CCDC117: variants seen among roughly 807,000 people sequenced by gnomAD.
CCDC117 encodes coiled-coil domain-containing protein 117.
In CCDC117, 1 loss-of-function variant was observed where a neutral mutation model predicts 23.5. That is an observed-to-expected ratio of 0.04 (90% CI 0.02 to 0.20). The LOEUF (loss-of-function observed/expected upper bound fraction) is 0.20, where lower values mean the gene tolerates loss of function less well. Among genes scored for constraint, CCDC117 ranks in the 10% least tolerant of loss-of-function variants. CCDC117 has a pLI of 1.00. For missense variants in CCDC117, 383 were observed against 348.2 expected (o/e 1.10, Z -0.80); for synonymous variants, 132 against 124.8 (o/e 1.06, Z -0.39).
At chr22:28,785,872 A>G (rs772213607) in intron 4 of CCDC117, among the ~76,000 whole-genome samples, 1 of 150,974 alleles carries the variant, frequency 6.6e-6, no homozygotes, top group Non-Finnish European at 1.5e-5. Flanking sequence ...GCGGTGAGCT[A>G]TGACTGTACC....
chr22:28,774,705 A>C (rs1269244480), intron 2 of CCDC117, among the ~76,000 whole-genome samples: 1 of 152,120 alleles, frequency 6.6e-6, no homozygotes. Flanking sequence ...TCCCCACCAG[A>C]GACAACCCCC....
rs2031314109 is a variant in CCDC117, at chr22:28,781,330, GTTTTGTTTTTTTT to G, written c.464+163_464+175del. Among the ~76,000 whole-genome samples the G allele has an allele frequency of 5.0e-4, 19 of 37,628 alleles. 1 individual carries two copies. The highest frequency in any genetic ancestry group is 1.5e-3 in the African/African-American group (10 of 6,782). 24.7% of individuals were successfully genotyped at this position (37,628 alleles called of 152,430 possible). ...AAAGTGTATTCGTTTTTGTTTTTTT[GTTTTGTTTTTTTT>G]TTTTTTTTTTTTTTTTTTTTTTTTT... On this transcript the variant is annotated intron_variant, in intron 3 of 4. Transcript: ENST00000249064.
chr22:28,772,769 G>T lies in CCDC117; in HGVS notation c.-81G>T. 1 of 1,123,816 alleles carries T rather than the reference G, an allele frequency of 8.9e-7. No individual in the cohort carries two copies. Among genetic ancestry groups the T allele is most frequent in the Non-Finnish European group, 1.1e-6 (1 of 895,604 alleles). The allele number at this position is 1,123,816 out of a possible 1,614,324, so 69.6% of individuals were successfully genotyped here. ...CGGGATCCGAGGCTGGCGGGTTTTG[G>T]CAGTAGCTGTGGCTGCGGCTGCCGG... On this transcript the variant is annotated 5_prime_UTR_variant, in exon 1 of 5. Transcript: ENST00000249064.
chr22:28,785,976 C>T, intron 4 of CCDC117, 113 bp from the exon 5 acceptor site: 1 of 701,126 alleles, frequency 1.4e-6, no homozygotes, highest in Admixed American at 2.6e-5. Context: ...TCTAAATCTC[C>T]TGTTTTGCTA....
At chr22:28,773,055 A>C in intron 1 of CCDC117, 21 bp downstream of exon 1, 2 of 622,558 alleles carry the variant, frequency 3.2e-6, no homozygotes, top group Non-Finnish European at 4.1e-6. Context: ...CGTCGGGCGC[A>C]GGGCGCAGGG....
In CCDC117 at chr22:28,772,835, C is replaced by T; in HGVS notation, c.-15C>T. 3 of 1,225,952 alleles carry T rather than the reference C, an allele frequency of 2.4e-6. No homozygotes were observed. The highest frequency in any genetic ancestry group is 3.9e-5 in the South Asian group (1 of 25,646). 75.9% of individuals were successfully genotyped at this position (1,225,952 alleles called of 1,614,324 possible). On this transcript the variant is annotated 5_prime_UTR_variant, in exon 1 of 5. Transcript: ENST00000249064. ...CGGCCGAGGCCGCCGTCGCAGCCTCCTCGTCTCGCCGGCTATGGCTGCGCT... is the reference window on the plus strand; with the variant it reads ...CGGCCGAGGCCGCCGTCGCAGCCTCTTCGTCTCGCCGGCTATGGCTGCGCT...
At chr22:28,774,469 T>C (rs951101552) in intron 2 of CCDC117, among the ~76,000 whole-genome samples, 1 of 149,314 alleles carries the variant, frequency 6.7e-6, no homozygotes, top group Non-Finnish European at 1.5e-5. Context: ...CTCCTTGGGC[T>C]CAAATGATCC....
In CCDC117 at chr22:28,772,938, G is replaced by C. The variant is rs2031029569; in HGVS notation, c.89G>C (p.Arg30Pro). ...CCGCCGCAGCCGGCCTTCCCCGGCC[G>C]GGCCTTCCCGCCGGGGGCTGACGGC... Reference protein sequence around the residue: ...LQPPQPAFPGRAFPPGADGAE... With the variant: ...LQPPQPAFPGPAFPPGADGAE... The change falls in exon 1 of 5, where the codon CGG becomes CCG. Residue 30 changes from arginine (R) to proline (P), a missense_variant. Transcript: ENST00000249064. 9.0e-6 allele frequency: 11 copies of C among 1,219,668 alleles called. No individual in the cohort carries two copies. Among genetic ancestry groups the C allele is most frequent in the Non-Finnish European group, 1.0e-5 (10 of 979,900 alleles). 75.6% of individuals were successfully genotyped at this position (1,219,668 alleles called of 1,614,324 possible). A position where few individuals can be genotyped will look rare whatever the true frequency, so the allele number is the denominator to read the frequency against.
At chr22:28,773,496 C>G in intron 1 of CCDC117, 1 of 573,014 alleles carries the variant, frequency 1.7e-6, no homozygotes, top group Non-Finnish European at 3.1e-6. Flanking sequence ...CCTCCCTAAT[C>G]TGTCTTCCAT....
rs34670753 is a variant in CCDC117 at position 28,782,250 on chromosome 22, C to CTTTTTTTTTTTTTTT, written c.464+1090_464+1104dup. On this transcript the variant is annotated intron_variant, in intron 3 of 4. Transcript: ENST00000249064. ...ACTGTGCCGGGCCAGTCTACTGAGC[C>CTTTTTTTTTTTTTTT]TTTTTTTTTTTTTTTTTTTTTTTTT... Among the ~76,000 whole-genome samples the CTTTTTTTTTTTTTTT allele has an allele frequency of 3.0e-4, 24 of 80,316 alleles. 1 individual carries two copies. The highest frequency in any genetic ancestry group is 1.4e-3 in the African/African-American group (23 of 16,474). The allele number at this position is 80,316 out of a possible 152,430, so 52.7% of individuals were successfully genotyped here.
At chr22:28,775,172 A>T (rs2031127218) in intron 2 of CCDC117, among the ~76,000 whole-genome samples, 1 of 152,164 alleles carries the variant, frequency 6.6e-6, no homozygotes, top group Non-Finnish European at 1.5e-5. Flanking sequence ...GAGGCAGGAG[A>T]ATCACTTGAA....
intron 2 of CCDC117, among the ~76,000 whole-genome samples, chr22:28,775,987 G>A (rs540119099): frequency 6.6e-6 from 1 of 152,334 alleles, no homozygotes; most frequent in East Asian, 1.9e-4. Context: ...AGGGAAATGT[G>A]TATTAAAGCC....
intron 2 of CCDC117, among the ~76,000 whole-genome samples, chr22:28,780,090 C>G (rs2031274861): frequency 6.6e-6 from 1 of 152,188 alleles, no homozygotes; most frequent in African/African-American, 2.4e-5. Context: ...TCAAGATAAA[C>G]TCACTACTTT....
chr22:28,773,511 T>A (rs1279279392), intron 1 of CCDC117: 1 of 586,370 alleles, frequency 1.7e-6, no homozygotes, highest in Non-Finnish European at 3.1e-6. Context: ...TTCCATTACG[T>A]TGATAAAAGG....
chr22:28,779,750 A>T (rs111888584), intron 2 of CCDC117, among the ~76,000 whole-genome samples: 1 of 152,228 alleles, frequency 6.6e-6, no homozygotes, highest in African/African-American at 2.4e-5. Context: ...TGTAAAATAC[A>T]TGCCTCTTCT....
chr22:28,778,878 A>G (rs894544329), intron 2 of CCDC117, among the ~76,000 whole-genome samples: 1 of 152,166 alleles, frequency 6.6e-6, no homozygotes, highest in African/African-American at 2.4e-5. Flanking sequence ...CAGGCATGAA[A>G]TAACTTAGTC....
intron 2 of CCDC117, among the ~76,000 whole-genome samples, chr22:28,779,087 C>G (rs2031249802): frequency 6.6e-6 from 1 of 152,126 alleles, no homozygotes; most frequent in Non-Finnish European, 1.5e-5. Flanking sequence ...CTCAGCCTCC[C>G]AAGTAGCTGG....
intron 2 of CCDC117, among the ~76,000 whole-genome samples, chr22:28,775,118 A>G (rs2031124653): frequency 1.3e-5 from 2 of 152,096 alleles, no homozygotes; most frequent in South Asian, 4.1e-4. Context: ...AAAATTAGCC[A>G]TGGGTAGTGG....
Position 28,777,189 on chromosome 22 carries a change from A to G in CCDC117, c.239+3411A>G, listed in dbSNP as rs563058571. 2.6e-3 allele frequency among the ~76,000 whole-genome samples: 398 copies of G among 151,394 alleles called. 3 individuals are homozygous for G. The highest frequency in any genetic ancestry group is 9.0e-3 in the African/African-American group (372 of 41,302). On this transcript the variant is annotated intron_variant, in intron 2 of 4. Transcript: ENST00000249064. ...ATGTAGCTGGGACTACAGGCGTGTG[A>G]TAATTTTTTGTATCTTTGGTACAGA...
Sources: allele counts gnomAD v4.1 joint callset (sites outside exome capture counted in the v4.1 genomes callset), GRCh38; gene constraint gnomAD v4.1.1; transcripts MANE v1.5; gene names NCBI Gene and HGNC (gene_info 2026-07-23, HGNC 2026-07-21).